INTS9: variants seen among roughly 807,000 people sequenced by gnomAD.
INTS9 encodes integrator complex subunit 9.
In INTS9, 55 loss-of-function variants were observed where a neutral mutation model predicts 79.7. That is an observed-to-expected ratio of 0.69 (90% CI 0.56 to 0.86). INTS9 has a LOEUF of 0.86. INTS9 is among the 40% of genes least tolerant of loss of function. INTS9 has a pLI of 0.00. For missense variants in INTS9, 721 were observed against 831.5 expected (o/e 0.87, Z 1.64); for synonymous variants, 319 against 325.2 (o/e 0.98, Z 0.20).
chr8:28,799,804 G>T (rs1375913960), intron 8 of INTS9, among the ~76,000 whole-genome samples: 3 of 152,170 alleles, frequency 2.0e-5, no homozygotes, highest in Non-Finnish European at 4.4e-5. Context: ...GCAAGCCGGG[G>T]ACCCCTAGCC....
chr8:28,840,233 C>T (rs1333946240), intron 4 of INTS9, among the ~76,000 whole-genome samples: 17 of 151,716 alleles, frequency 1.1e-4, no homozygotes, highest in Admixed American at 2.6e-4. Context: ...AAATGAAAAC[C>T]ACAATGAGAT....
chr8:28,777,157 C>A (rs1802936039), intron 13 of INTS9, among the ~76,000 whole-genome samples: 2 of 152,092 alleles, frequency 1.3e-5, no homozygotes, highest in African/African-American at 2.4e-5. Context: ...GTGCTGGGCC[C>A]CTCCACCCTC....
At chr8:28,769,307 TTCC>T (rs577854093) in intron 16 of INTS9, among the ~76,000 whole-genome samples, 51 of 152,374 alleles carry the variant, frequency 3.3e-4, no homozygotes, top group African/African-American at 1.2e-3. Context: ...CAATTCCTTC[TTCC>T]TATCAAAGAT....
At chr8:28,785,434 C>T (rs1335699713) in intron 11 of INTS9, among the ~76,000 whole-genome samples, 3 of 152,198 alleles carry the variant, frequency 2.0e-5, no homozygotes, top group Non-Finnish European at 2.9e-5. Flanking sequence ...GTTGGAAGAA[C>T]TTTCCCCTCT....
intron 2 of INTS9, among the ~76,000 whole-genome samples, chr8:28,854,340 G>A (rs191161233): frequency 6.5e-4 from 99 of 152,252 alleles, no homozygotes; most frequent in African/African-American, 2.3e-3. Flanking sequence ...TTGCAATCTA[G>A]TATAGGGAGA....
chr8:28,782,000 C>T (rs1308131345), intron 11 of INTS9, among the ~76,000 whole-genome samples: 5 of 152,148 alleles, frequency 3.3e-5, no homozygotes, highest in African/African-American at 1.2e-4. Context: ...TGGGATGGTG[C>T]AGTGGGCAAC....
chr8:28,873,013 G>A (rs1394665280), intron 1 of INTS9, among the ~76,000 whole-genome samples: 2 of 151,854 alleles, frequency 1.3e-5, no homozygotes, highest in African/African-American at 2.4e-5. Context: ...GGACTCAGAA[G>A]TATATTCTGA....
intron 4 of INTS9, among the ~76,000 whole-genome samples, chr8:28,838,141 C>G (rs1806922967): frequency 2.0e-5 from 3 of 151,942 alleles, no homozygotes; most frequent in Admixed American, 2.0e-4. Flanking sequence ...GCGGCAAGCA[C>G]ACACTAGAAC....
At chr8:28,793,357 G>C (rs1448464974) in intron 10 of INTS9, among the ~76,000 whole-genome samples, 1 of 152,130 alleles carries the variant, frequency 6.6e-6, no homozygotes, top group Non-Finnish European at 1.5e-5. Flanking sequence ...TCTAGGATTT[G>C]ATCAATTTTC....
chr8:28,789,793 G>A (rs772460716), intron 10 of INTS9, among the ~76,000 whole-genome samples: 7 of 152,124 alleles, frequency 4.6e-5, no homozygotes, highest in African/African-American at 1.4e-4. Context: ...TGGGAGGATC[G>A]CTTGAGACCA....
chr8:28,845,229 T>C lies in INTS9; in HGVS notation c.261+1518A>G, dbSNP rs76655771. On this transcript the variant is annotated intron_variant, in intron 4 of 16. Transcript: ENST00000521022. ...GATACAAAGATATTTAAGCTATTTG[T>C]ACTAGTTTGTAAATTTCATGAGGAT... is the stretch of plus-strand genomic sequence containing the variant. Among the ~76,000 whole-genome samples the C allele has an allele frequency of 4.6e-3, 698 of 152,322 alleles. 4 individuals carry two copies. Among genetic ancestry groups the C allele is most frequent in the African/African-American group, 0.016 (648 of 41,564 alleles).
chr8:28,838,351 C>T (rs910389641), intron 4 of INTS9, among the ~76,000 whole-genome samples: 11 of 152,166 alleles, frequency 7.2e-5, no homozygotes, highest in Middle Eastern at 3.4e-3. Flanking sequence ...TTTCACCCTC[C>T]ATCCTAATCT....
Position 28,852,070 on chromosome 8 carries a change from C to G in INTS9, c.138-1797G>C, listed in dbSNP as rs1807869540. The stretch of plus-strand genomic sequence containing the variant: ...CCTGTCTCTATAATAAATTAAAAAA[C>G]TAGCAGGCTATGGTGGTACACGCTT... On this transcript the variant is annotated intron_variant, in intron 2 of 16. Coordinates refer to ENST00000521022, the MANE Select transcript of INTS9 (RefSeq NM_018250.4). Among the ~76,000 whole-genome samples, 3 of 151,658 alleles carry G rather than the reference C, an allele frequency of 2.0e-5. No individual in the cohort carries two copies. In the South Asian group the frequency reaches 6.2e-4, roughly 32 times the overall value.
chr8:28,844,852 A>C (rs1200719926), intron 4 of INTS9, among the ~76,000 whole-genome samples: 1 of 152,234 alleles, frequency 6.6e-6, no homozygotes, highest in African/African-American at 2.4e-5. Flanking sequence ...AAATTTGTGT[A>C]TACTTTATGG....
chr8:28,819,582 C>A (rs1258492691), intron 6 of INTS9, among the ~76,000 whole-genome samples: 1 of 152,168 alleles, frequency 6.6e-6, no homozygotes, highest in Non-Finnish European at 1.5e-5. Flanking sequence ...AGTATGTGGT[C>A]AATTTTCGAA....
At chr8:28,784,936 C>T (rs1803492398) in intron 11 of INTS9, among the ~76,000 whole-genome samples, 1 of 152,202 alleles carries the variant, frequency 6.6e-6, no homozygotes, top group Admixed American at 6.5e-5. Flanking sequence ...CCATGGAGTA[C>T]ATCTATCTGT....
At chr8:28,848,679 G>A (rs1807663402) in intron 3 of INTS9, among the ~76,000 whole-genome samples, 1 of 152,164 alleles carries the variant, frequency 6.6e-6, no homozygotes, top group Non-Finnish European at 1.5e-5. Context: ...GTCTTAAATG[G>A]GCTATGTAAT....
At chr8:28,841,178 T>C (rs190859036) in intron 4 of INTS9, among the ~76,000 whole-genome samples, 3 of 152,314 alleles carry the variant, frequency 2.0e-5, no homozygotes, top group African/African-American at 7.2e-5. Flanking sequence ...CCATGCCTAA[T>C]GAACAGCCAA....
chr8:28,790,978 C>A (rs574478237), intron 10 of INTS9, among the ~76,000 whole-genome samples: 4 of 152,310 alleles, frequency 2.6e-5, no homozygotes, highest in Admixed American at 2.6e-4. Flanking sequence ...CTTTGTAGAA[C>A]CTATTTTGTT....
Sources: allele counts gnomAD v4.1 joint callset (sites outside exome capture counted in the v4.1 genomes callset), GRCh38; gene constraint gnomAD v4.1.1; transcripts MANE v1.5; gene names NCBI Gene and HGNC (gene_info 2026-07-23, HGNC 2026-07-21).